COL25A1: variants seen among roughly 807,000 people sequenced by gnomAD.
COL25A1 encodes collagen type XXV alpha 1 chain.
In COL25A1, 103 loss-of-function variants were observed where a neutral mutation model predicts 128.4. That is an observed-to-expected ratio of 0.80 (90% CI 0.68 to 0.94). COL25A1 has a LOEUF of 0.94. Among genes scored for constraint, COL25A1 ranks in the 40% least tolerant of loss-of-function variants. COL25A1 has a pLI of 0.00. For missense variants in COL25A1, 745 were observed against 840.0 expected, an observed-to-expected ratio of 0.89 and a Z score of 1.40; for synonymous variants, 279 against 277.2, an observed-to-expected ratio of 1.01 and a Z score of -0.06.
intron 19 of COL25A1, among the ~76,000 whole-genome samples, chr4:108,870,761 T>C (rs1396351570): frequency 6.6e-6 from 1 of 152,170 alleles, no homozygotes; most frequent in Admixed American, 6.5e-5. Flanking sequence ...AAATATTTCC[T>C]CTCCCTTCCC....
intron 30 of COL25A1, 56 bp downstream of exon 30, chr4:108,844,463 C>G: frequency 6.2e-7 from 1 of 1,613,876 alleles, no homozygotes; most frequent in Non-Finnish European, 8.5e-7. Flanking sequence ...TTCATGTTCT[C>G]TCTAGCAGCA....
chr4:109,258,523 C>T (rs1781227346), intron 3 of COL25A1, among the ~76,000 whole-genome samples: 1 of 152,128 alleles, frequency 6.6e-6, no homozygotes, highest in Non-Finnish European at 1.5e-5. Flanking sequence ...AGTGCCTGCA[C>T]TGTTCAATAA....
chr4:109,021,967 A>G (rs1232712903), intron 5 of COL25A1, among the ~76,000 whole-genome samples: 1 of 152,188 alleles, frequency 6.6e-6, no homozygotes, highest in Non-Finnish European at 1.5e-5. Context: ...CAATACGTGC[A>G]CTGCTGAACA....
chr4:109,289,053 G>A (rs896919644), intron 3 of COL25A1, among the ~76,000 whole-genome samples: 12 of 150,670 alleles, frequency 8.0e-5, no homozygotes, highest in African/African-American at 2.4e-4. Context: ...TTCCTGTGTA[G>A]TTGCTTTAGT....
chr4:108,824,420 C>T (rs977068565), intron 34 of COL25A1, among the ~76,000 whole-genome samples, 193 bp from the exon 35 acceptor site: 4 of 152,136 alleles, frequency 2.6e-5, no homozygotes, highest in African/African-American at 9.7e-5. Context: ...CTATACACAA[C>T]AGGTTTCTTG....
At chr4:108,888,173 G>A (rs1295244107) in intron 18 of COL25A1, among the ~76,000 whole-genome samples, 1 of 152,074 alleles carries the variant, frequency 6.6e-6, no homozygotes, top group Non-Finnish European at 1.5e-5. Flanking sequence ...AATGTTAAAA[G>A]AATGTGAAAG....
chr4:109,113,067 G>A (rs1167834362), intron 3 of COL25A1, among the ~76,000 whole-genome samples: 2 of 152,080 alleles, frequency 1.3e-5, no homozygotes, highest in Non-Finnish European at 2.9e-5. Flanking sequence ...TTTGATAAGT[G>A]GAGAATAGGA....
intron 6 of COL25A1, among the ~76,000 whole-genome samples, chr4:108,997,402 C>T (rs1348087998): frequency 1.3e-5 from 2 of 152,138 alleles, no homozygotes; most frequent in African/African-American, 4.8e-5. Flanking sequence ...TGGATACTTA[C>T]AACCTCCCAA....
intron 3 of COL25A1, among the ~76,000 whole-genome samples, chr4:109,176,329 G>A (rs564928041): frequency 6.6e-6 from 1 of 152,308 alleles, no homozygotes; most frequent in South Asian, 2.1e-4. Context: ...GGTGGAGATT[G>A]CAGTGAGCCA....
At chr4:108,975,357 G>A (rs1752336446) in intron 6 of COL25A1, among the ~76,000 whole-genome samples, 1 of 152,232 alleles carries the variant, frequency 6.6e-6, no homozygotes, top group Admixed American at 6.5e-5. Context: ...TTGGGAGGCT[G>A]AGGCAGGAGA....
At chr4:108,872,605 C>T (rs774896813) in intron 19 of COL25A1, among the ~76,000 whole-genome samples, 6 of 151,984 alleles carry the variant, frequency 3.9e-5, no homozygotes, top group Non-Finnish European at 8.8e-5. Context: ...TCATATACTT[C>T]AACGAAAACA....
intron 8 of COL25A1, among the ~76,000 whole-genome samples, chr4:108,945,799 G>T (rs2125936055): frequency 6.6e-6 from 1 of 152,112 alleles, no homozygotes; most frequent in East Asian, 1.9e-4. Context: ...CAGTAGGCTG[G>T]GACTACAGGC....
chr4:109,299,186 C>T (rs558495008), intron 3 of COL25A1, among the ~76,000 whole-genome samples: 1 of 152,110 alleles, frequency 6.6e-6, no homozygotes, highest in Non-Finnish European at 1.5e-5. Context: ...CTGGACTCTA[C>T]GTGGTATGAT....
chr4:109,219,111 T>A (rs894999134), intron 3 of COL25A1, among the ~76,000 whole-genome samples: 4 of 152,156 alleles, frequency 2.6e-5, no homozygotes, highest in African/African-American at 9.7e-5. Flanking sequence ...TTGTCTATGA[T>A]CCTCACTTGG....
At chr4:108,955,715 A>G (rs1749995443) in intron 8 of COL25A1, among the ~76,000 whole-genome samples, 1 of 152,152 alleles carries the variant, frequency 6.6e-6, no homozygotes, top group African/African-American at 2.4e-5. Flanking sequence ...ATTCAGACAC[A>G]GAAGCATAAT....
intron 3 of COL25A1, among the ~76,000 whole-genome samples, chr4:109,108,733 ATAAAT>A (rs894452270): frequency 2.0e-5 from 3 of 151,852 alleles, no homozygotes; most frequent in African/African-American, 7.3e-5. Context: ...TTTAAAAAAA[ATAAAT>A]TAAAATGGTA....
intron 5 of COL25A1, among the ~76,000 whole-genome samples, chr4:109,036,977 G>GA (rs1759419368): frequency 6.6e-6 from 1 of 152,258 alleles, no homozygotes; most frequent in South Asian, 2.1e-4. Flanking sequence ...ACAGTTGAAT[G>GA]AAATTATATA....
At chr4:108,818,732 G>T (rs1330279615) in intron 36 of COL25A1, among the ~76,000 whole-genome samples, 1 of 152,136 alleles carries the variant, frequency 6.6e-6, no homozygotes, top group African/African-American at 2.4e-5. Flanking sequence ...GAGAAGTTTG[G>T]TCTTCTTCTT....
In COL25A1 at chr4:108,877,155, G is replaced by A. The variant is rs146190322; in HGVS notation, c.1020+7023C>T. Among the ~76,000 whole-genome samples the A allele has an allele frequency of 2.4e-3, 364 of 152,302 alleles. 2 individuals carry two copies. The highest frequency in any genetic ancestry group is 8.4e-3 in the African/African-American group (349 of 41,558). ...AACAAAAGATTTAAACAGCCAGGGC[G>A]CATTCAGATACAGAAGCAAGTCTGT... On this transcript the variant is annotated intron_variant, in intron 19 of 37. Transcript: ENST00000399132.
Sources: gnomAD v4.1 joint callset for allele counts (sites outside exome capture counted in the v4.1 genomes callset) on GRCh38, gnomAD v4.1.1 for gene constraint, MANE v1.5 for transcripts, NCBI Gene and HGNC (gene_info 2026-07-23, HGNC 2026-07-21) for gene names.